BCAN: variants seen among roughly 807,000 people sequenced by gnomAD.
BCAN encodes the protein brevican core protein.
BCAN carries 51 observed loss-of-function variants against 92.4 expected under a neutral mutation model. The observed-to-expected ratio is 0.55, with a 90% CI of 0.44 to 0.70. The LOEUF is 0.70. Ranked by LOEUF, BCAN falls within the 30% of genes least tolerant of loss-of-function variation. BCAN has a pLI of 0.00. For missense variants in BCAN, 1,140 were observed against 1,212.1 expected (o/e 0.94, Z 0.88); for synonymous variants, 501 against 505.2 (o/e 0.99, Z 0.11).
chr1:156,651,449 G>A lies in BCAN; in HGVS notation c.1064-7G>A, dbSNP rs1403953799. 6.2e-7 allele frequency: 1 copy of A among 1,611,284 alleles called. No individual in the cohort carries two copies. The highest frequency in any genetic ancestry group is 1.7e-5 in the Admixed American group (1 of 59,986). ...AGGCTCGCATCAATACTTTCCTCCT[G>A]CCACAGACTCGGCCCAGCCTTCTGC... On this transcript the variant is annotated splice_polypyrimidine_tract_variant and splice_region_variant and intron_variant, in intron 6 of 13. Coordinates refer to ENST00000329117, the MANE Select transcript of BCAN (RefSeq NM_021948.5).
chr1:156,654,101 A>T lies in BCAN; in HGVS notation c.1942+1209A>T, dbSNP rs534586846. ...GAAGGAATGGCTTCACCCTCCCCAG[A>T]CCCAAAGGGTCTCAAAGTACCTAAT... On this transcript the variant is annotated intron_variant, in intron 8 of 13. Coordinates refer to ENST00000329117, the MANE Select transcript of BCAN (RefSeq NM_021948.5). Among the ~76,000 whole-genome samples, 5 of 152,268 alleles carry T rather than the reference A, an allele frequency of 3.3e-5. No homozygotes were observed. The East Asian group carries it at 9.7e-4, about 29-fold the overall frequency.
At chr1:156,655,557 C>T (rs1679297710) in intron 8 of BCAN, among the ~76,000 whole-genome samples, 1 of 152,202 alleles carries the variant, frequency 6.6e-6, no homozygotes, top group African/African-American at 2.4e-5. Flanking sequence ...CCAGTCAGCA[C>T]TGCAGGACAA....
chr1:156,658,624 T>G lies in BCAN; in HGVS notation c.2519T>G (p.Leu840Arg), dbSNP rs1245007453. ...PRLRYEVDTV[L>R]RYRCREGLAQ... ...CTGCGCTATGAGGTGGACACTGTGC[T>G]TCGCTACCGGTGCCGGGAAGGACTG... Residue 840 changes from leucine to arginine, a missense_variant, in exon 13 of 14, where the codon CTT becomes CGT. Coordinates refer to ENST00000329117, the MANE Select transcript of BCAN (RefSeq NM_021948.5). The surrounding 1 kb of genome is among the most constrained non-coding windows in gnomAD (Gnocchi z 4.4). 3.7e-6 allele frequency: 6 copies of G among 1,614,134 alleles called. No homozygotes were observed. The highest frequency in any genetic ancestry group is 1.6e-4 in the Middle Eastern group (1 of 6,062).
At chr1:156,657,632 A>G (rs1365729445) in intron 10 of BCAN, 43 bp from the exon 11 acceptor site, 1 of 1,540,848 alleles carries the variant, frequency 6.5e-7, no homozygotes, top group East Asian at 2.3e-5. Context: ...AACGGCCGCC[A>G]TCTGCTGGCG....
intron 2 of BCAN, chr1:156,646,592 G>C (rs1316329700): frequency 2.7e-6 from 2 of 751,024 alleles, no homozygotes; most frequent in Non-Finnish European, 4.0e-6. Flanking sequence ...GAGACTTTGG[G>C]GGATGGGTCT....
In BCAN at chr1:156,656,314, G is replaced by C; in HGVS notation, c.1975G>C (p.Gly659Arg). The C allele has an allele frequency of 6.9e-7, 1 of 1,449,434 alleles. No homozygotes were observed. Among genetic ancestry groups the C allele is most frequent in the Non-Finnish European group, 9.0e-7 (1 of 1,108,278 alleles). 89.8% of individuals were successfully genotyped at this position (1,449,434 alleles called of 1,614,324 possible). Residue 659 changes from glycine to arginine, a missense_variant, in exon 9 of 14, where the codon GGG (glycine) becomes CGG (arginine). Coordinates refer to ENST00000329117, the MANE Select transcript of BCAN (RefSeq NM_021948.5). The stretch of plus-strand genomic sequence containing the variant: ...TGTCCCCAGCCCCTGCCACAATGGT[G>C]GGACATGCTTGGAGGAGGAGGAAGG... ...DCVPSPCHNG[G>R]TCLEEEEGVR...
rs1210800455 is a variant in BCAN, at chr1:156,653,662, C to G, written c.1942+770C>G. Among the ~76,000 whole-genome samples the G allele has an allele frequency of 2.6e-5, 4 of 152,240 alleles. No homozygotes were observed. The East Asian group carries it at 7.7e-4, about 29-fold the overall frequency. The stretch of plus-strand genomic sequence containing the variant: ...CTGTCCTGGCAGTCTAACAGCCCCT[C>G]ATTGTTCCCCCAGCCTCTCCTTCTC... On this transcript the variant is annotated intron_variant, in intron 8 of 13. Coordinates refer to ENST00000329117, the MANE Select transcript of BCAN (RefSeq NM_021948.5).
chr1:156,648,785 C>A lies in BCAN; in HGVS notation c.987C>A (p.Val329=). The A allele has an allele frequency of 6.2e-7, 1 of 1,605,546 alleles. No homozygotes were observed. Among genetic ancestry groups the A allele is most frequent in the Non-Finnish European group, 8.5e-7 (1 of 1,172,998 alleles). ...SQRCGGGLPG[V]KTLFLFPNQT... is the part of the protein sequence containing the mutation. ...GCTGTGGTGGGGGCTTGCCTGGTGT[C>A]AAGACTCTCTTCCTCTTCCCCAACC... Residue 329 remains valine, a synonymous_variant, in exon 6 of 14, where the codon GTC becomes GTA. Transcript: ENST00000329117.
chr1:156,644,171 G>A (rs1678887234), intron 1 of BCAN: 2 of 152,338 alleles, frequency 1.3e-5, no homozygotes, highest in South Asian at 2.1e-4. Context: ...TTCCAGAGCA[G>A]TTAGGTCCTC....
intron 1 of BCAN, among the ~76,000 whole-genome samples, chr1:156,645,316 C>T (rs571668632): frequency 2.7e-4 from 41 of 152,206 alleles, no homozygotes; most frequent in Middle Eastern, 6.8e-3. Flanking sequence ...TGGGAAAGCC[C>T]GTGCCAGGCA....
chr1:156,647,247 C>A lies in BCAN; in HGVS notation c.466+72C>A. ...GGAGGACTCTTGCCTTCGGGGATCC[C>A]ACAGTGTGAGAGGGAAGCAAAGGTA... On this transcript the variant is annotated intron_variant, in intron 3 of 13. Transcript: ENST00000329117. The surrounding 1 kb of genome is among the most constrained non-coding windows in gnomAD (Gnocchi z 4.8). The A allele has an allele frequency of 6.9e-7, 1 of 1,453,248 alleles. No homozygotes were observed. Among genetic ancestry groups the A allele is most frequent in the Non-Finnish European group, 9.1e-7 (1 of 1,095,714 alleles). 90.0% of individuals were successfully genotyped at this position (1,453,248 alleles called of 1,614,324 possible).
Position 156,658,457 on chromosome 1 carries a change from G to A in BCAN, c.2438-86G>A, listed in dbSNP as rs559477926. 57 of 1,516,058 alleles carry A rather than the reference G, an allele frequency of 3.8e-5. No individual in the cohort carries two copies. The highest frequency in any genetic ancestry group is 1.2e-4 in the Admixed American group (6 of 50,904). 93.9% of individuals were successfully genotyped at this position (1,516,058 alleles called of 1,614,324 possible). ...ATCCCTGATCTTTTTTTGTCATGTT[G>A]TGGCCCATTTTTCTCTTCCCCATGG... is the stretch of plus-strand genomic sequence containing the variant. On this transcript the variant is annotated intron_variant, in intron 12 of 13. Coordinates refer to ENST00000329117, the MANE Select transcript of BCAN (RefSeq NM_021948.5). The surrounding 1 kb of genome is among the most constrained non-coding windows in gnomAD (Gnocchi z 4.4).
intron 6 of BCAN, chr1:156,649,863 G>A (rs550378665): frequency 1.9e-6 from 1 of 518,838 alleles, no homozygotes; most frequent in Non-Finnish European, 3.8e-6. Flanking sequence ...TACAAGAGCT[G>A]GAAGCAGAAA....
intron 9 of BCAN, 123 bp from the exon 10 acceptor site, chr1:156,656,815 C>T: frequency 7.4e-7 from 1 of 1,348,694 alleles, no homozygotes; most frequent in Non-Finnish European, 1.0e-6. Context: ...TTTTGCACCG[C>T]CCTCCTGTCC....
rs1348493705 is a variant in BCAN at position 156,642,176 on chromosome 1, T to C, written c.-108T>C. 6.6e-6 allele frequency: 1 copy of C among 152,264 alleles called. No homozygotes were observed. The highest frequency in any genetic ancestry group is 1.5e-5 in the Non-Finnish European group (1 of 68,106). The allele number at this position is 152,264 out of a possible 1,614,324, so 9.4% of individuals were successfully genotyped here. A position where few individuals can be genotyped will look rare whatever the true frequency, so the allele number is the denominator to read the frequency against. On this transcript the variant is annotated 5_prime_UTR_variant, in exon 1 of 14. Transcript: ENST00000329117. This position sits in a 1 kb window ranked among gnomAD's most constrained non-coding sequence, Gnocchi z 4.2. ...CACGCTCGCGCAGTCTCCGCCGCAGTCTCAGCTGCAGCTGCAGGACTGAGC... is the reference window on the plus strand; with the variant it reads ...CACGCTCGCGCAGTCTCCGCCGCAGCCTCAGCTGCAGCTGCAGGACTGAGC...
chr1:156,646,739 C>T, intron 2 of BCAN, 62 bp from the exon 3 acceptor site: 2 of 1,504,008 alleles, frequency 1.3e-6, no homozygotes, highest in Non-Finnish European at 8.9e-7. Flanking sequence ...GGCTTGGAGG[C>T]CACCGGGTGG....
At position 156,652,481 on chromosome 1, in the gene BCAN, G is replaced by A. The variant is rs1211334495; in HGVS notation, c.1531G>A (p.Ala511Thr). Residue 511 changes from alanine (A) to threonine (T), a missense_variant, in exon 8 of 14, where the codon GCA (alanine) becomes ACA (threonine). Transcript: ENST00000329117. ...AQEESLSQAP[A>T]RAVLQPGASP... ...GGAGGAGTCACTCTCCCAGGCGCCAGCAAGGGCAGTCCTGCAGCCTGGTGC... is the reference window on the plus strand; with the variant it reads ...GGAGGAGTCACTCTCCCAGGCGCCAACAAGGGCAGTCCTGCAGCCTGGTGC... The A allele has an allele frequency of 6.2e-7, 1 of 1,606,532 alleles. No individual in the cohort carries two copies. The highest frequency in any genetic ancestry group is 8.5e-7 in the Non-Finnish European group (1 of 1,176,232).
At chr1:156,649,752 C>A (rs1023857352) in intron 6 of BCAN, among the ~76,000 whole-genome samples, 22 of 152,174 alleles carry the variant, frequency 1.4e-4, no homozygotes, top group Non-Finnish European at 2.9e-4. Context: ...GTTTCTGGGA[C>A]TCTCAGATGC....
chr1:156,654,278 C>T (rs1360928497), intron 8 of BCAN, among the ~76,000 whole-genome samples: 2 of 152,092 alleles, frequency 1.3e-5, no homozygotes, highest in Non-Finnish European at 2.9e-5. Context: ...GCCCTAGGAC[C>T]CCCATGTTAG....
Sources: allele counts gnomAD v4.1 joint callset (sites outside exome capture counted in the v4.1 genomes callset), GRCh38; gene constraint gnomAD v4.1.1; non-coding constraint Gnocchi (gnomAD v3.1); transcripts MANE v1.5; gene names NCBI Gene and HGNC (gene_info 2026-07-23, HGNC 2026-07-21).